FGF18: variants seen among roughly 807,000 people sequenced by gnomAD.
The protein encoded by FGF18 is fibroblast growth factor 18.
Under a neutral mutation model 23.0 loss-of-function variants are expected in FGF18, and 5 were observed. The ratio of observed to expected loss-of-function variants is 0.22; its 90% CI spans 0.11 to 0.46. FGF18 has a LOEUF of 0.46. Among genes scored for constraint, FGF18 ranks in the 20% least tolerant of loss-of-function variants. FGF18 has a pLI of 0.99. For missense variants in FGF18, 180 were observed against 291.6 expected, an observed-to-expected ratio of 0.62 and a Z score of 2.79; for synonymous variants, 117 against 118.9, an observed-to-expected ratio of 0.98 and a Z score of 0.10.
intron 1 of FGF18, 61 bp from the exon 2 acceptor site, chr5:171,420,346 G>A (rs1771984822): frequency 5.0e-6 from 8 of 1,608,374 alleles, no homozygotes; most frequent in Middle Eastern, 1.7e-4. Flanking sequence ...CTGCGTGTCT[G>A]TCTGTCCGTG....
rs185533839 is a variant in FGF18, at chr5:171,441,289, A to C, written c.250+5016A>C. On this transcript the variant is annotated intron_variant, in intron 3 of 4. Coordinates refer to ENST00000274625, the MANE Select transcript of FGF18 (RefSeq NM_003862.3). ...TCCCAAAATGTGAGCATGTTCCTGCACAGCTCAGAGGTGCTCATCTCACTT... is the reference window on the plus strand; with the variant it reads ...TCCCAAAATGTGAGCATGTTCCTGCCCAGCTCAGAGGTGCTCATCTCACTT... Among the ~76,000 whole-genome samples, 17 of 152,304 alleles carry C rather than the reference A, an allele frequency of 1.1e-4. No homozygotes were observed. The East Asian group carries it at 3.3e-3, about 29-fold the overall frequency.
At chr5:171,428,030 G>A (rs1032303767) in intron 2 of FGF18, among the ~76,000 whole-genome samples, 4 of 152,164 alleles carry the variant, frequency 2.6e-5, no homozygotes, top group Non-Finnish European at 4.4e-5. Flanking sequence ...CCCCCTGCCC[G>A]GGGGAGGCAC....
rs568689524 is a variant in FGF18, at chr5:171,431,618, G to A, written c.70-4475G>A. On this transcript the variant is annotated intron_variant, in intron 2 of 4. Transcript: ENST00000274625. ...GGACAGTTGGGATCTTAGGCTGAAG[G>A]GGACCCTAGGCCACCATGCTGTGAG... is the stretch of plus-strand genomic sequence containing the variant. Among the ~76,000 whole-genome samples the A allele has an allele frequency of 1.3e-4, 20 of 152,260 alleles. No homozygotes were observed. In the South Asian group the frequency reaches 4.2e-3, roughly 32 times the overall value.
At chr5:171,444,365 G>A (rs950156969) in intron 3 of FGF18, among the ~76,000 whole-genome samples, 2 of 152,146 alleles carry the variant, frequency 1.3e-5, no homozygotes, top group South Asian at 4.1e-4. Flanking sequence ...TGTGGGACTC[G>A]GTTTTCTCAC....
chr5:171,423,578 G>T (rs1487949302), intron 2 of FGF18, among the ~76,000 whole-genome samples: 2 of 151,974 alleles, frequency 1.3e-5, no homozygotes, highest in African/African-American at 4.8e-5. Context: ...CTCCTGCAGC[G>T]CCACTTCCTC....
At chr5:171,447,485 G>GTCCC (rs2113358439) in intron 3 of FGF18, among the ~76,000 whole-genome samples, 1 of 152,240 alleles carries the variant, frequency 6.6e-6, no homozygotes, top group Non-Finnish European at 1.5e-5. Flanking sequence ...GTTGACTAGG[G>GTCCC]CTGGGGGGAG....
chr5:171,443,139 T>A (rs1772369623), intron 3 of FGF18, among the ~76,000 whole-genome samples: 3 of 152,112 alleles, frequency 2.0e-5, no homozygotes, highest in Admixed American at 6.6e-5. Context: ...CACACACTTT[T>A]TTTTTTTTTA....
chr5:171,420,383 C>G (rs778042764), intron 1 of FGF18, 24 bp from the exon 2 acceptor site: 1 of 1,613,242 alleles, frequency 6.2e-7, no homozygotes, highest in Non-Finnish European at 8.5e-7. Flanking sequence ...TCCCACTGAC[C>G]GCTTCTCCAT....
At chr5:171,433,159 G>A (rs1482278660) in intron 2 of FGF18, among the ~76,000 whole-genome samples, 1 of 152,214 alleles carries the variant, frequency 6.6e-6, no homozygotes, top group African/African-American at 2.4e-5. Context: ...ACAGAATGGG[G>A]CTTCAATGGT....
At chr5:171,423,327 G>A (rs1460388868) in intron 2 of FGF18, among the ~76,000 whole-genome samples, 1 of 152,232 alleles carries the variant, frequency 6.6e-6, no homozygotes, top group Non-Finnish European at 1.5e-5. Context: ...AATTTCCGTG[G>A]GGAGCAAACG....
At chr5:171,447,295 C>T (rs1772430942) in intron 3 of FGF18, among the ~76,000 whole-genome samples, 1 of 152,164 alleles carries the variant, frequency 6.6e-6, no homozygotes, top group Non-Finnish European at 1.5e-5. Context: ...ACTCCTCACC[C>T]CCTGTGGGGC....
In FGF18 at chr5:171,440,613, G is replaced by A. The variant is rs371775655; in HGVS notation, c.250+4340G>A. Among the ~76,000 whole-genome samples the A allele has an allele frequency of 6.6e-6, 1 of 152,230 alleles. No homozygotes were observed. Among genetic ancestry groups the A allele is most frequent in the African/African-American group, 2.4e-5 (1 of 41,542 alleles). ...CTGACTTTGAGTAGGAAGAACCTAG[G>A]CTGTGAACTTCCCACGTGACTGTGA... On this transcript the variant is annotated intron_variant, in intron 3 of 4. Coordinates refer to ENST00000274625, the MANE Select transcript of FGF18 (RefSeq NM_003862.3). This position sits in a 1 kb window ranked among gnomAD's most constrained non-coding sequence, Gnocchi z 4.0.
intron 3 of FGF18, among the ~76,000 whole-genome samples, chr5:171,437,025 G>C (rs528245657): frequency 6.6e-6 from 1 of 152,206 alleles, no homozygotes; most frequent in African/African-American, 2.4e-5. Context: ...TTGCCAGGCC[G>C]GAAAAGCGGA....
chr5:171,420,498 G>T (rs1056936359), intron 2 of FGF18, 55 bp downstream of exon 2: 3 of 1,546,674 alleles, frequency 1.9e-6, no homozygotes, highest in Non-Finnish European at 2.7e-6. Context: ...GGTACACGCC[G>T]ACCCCCCTTC....
intron 2 of FGF18, among the ~76,000 whole-genome samples, chr5:171,425,279 T>TGGA (rs1772073326): frequency 6.6e-6 from 1 of 152,226 alleles, no homozygotes. Context: ...AGTCTCACTC[T>TGGA]GTTGCCCAGG....
rs770760501 is a variant in FGF18 at position 171,456,632 on chromosome 5, G to C, written c.451G>C (p.Val151Leu). The change falls in exon 5 of 5, where the codon GTG becomes CTG. Residue 151 changes from valine to leucine, a missense_variant. Transcript: ENST00000274625. This position sits in a 1 kb window ranked among gnomAD's most constrained non-coding sequence, Gnocchi z 6.1. ...GTCGGCTAAGTACTCCGGCTGGTAC[G>C]TGGGCTTCACCAAGAAGGGGCGGCC... ...LMSAKYSGWYVGFTKKGRPRK... is the reference protein window; with the variant it reads ...LMSAKYSGWYLGFTKKGRPRK... 6.2e-6 allele frequency: 10 copies of C among 1,614,106 alleles called. No individual in the cohort carries two copies. The highest frequency in any genetic ancestry group is 8.5e-6 in the Non-Finnish European group (10 of 1,180,024).
chr5:171,430,820 A>G (rs1039861864), intron 2 of FGF18, among the ~76,000 whole-genome samples: 1 of 151,218 alleles, frequency 6.6e-6, no homozygotes, highest in East Asian at 1.9e-4. Context: ...AAAAAAAGAA[A>G]AAAGAGTAAT....
intron 4 of FGF18, among the ~76,000 whole-genome samples, chr5:171,453,241 C>G (rs1448015601): frequency 6.6e-6 from 1 of 152,210 alleles, no homozygotes; most frequent in Non-Finnish European, 1.5e-5. Context: ...CGGATGTAGC[C>G]TGCTGTTAGC....
chr5:171,425,466 C>T (rs1772075804), intron 2 of FGF18, among the ~76,000 whole-genome samples: 1 of 151,704 alleles, frequency 6.6e-6, no homozygotes, highest in Non-Finnish European at 1.5e-5. Context: ...GGTGATCCAC[C>T]CGCCTCGGAC....
Sources: allele counts gnomAD v4.1 joint callset (sites outside exome capture counted in the v4.1 genomes callset), GRCh38; gene constraint gnomAD v4.1.1; non-coding constraint Gnocchi (gnomAD v3.1); transcripts MANE v1.5; gene names NCBI Gene and HGNC (gene_info 2026-07-23, HGNC 2026-07-21).